Variants in REPS1 observed in about 807,000 individuals in gnomAD.
The protein encoded by REPS1 is ralBP1-associated Eps domain-containing protein 1.
A neutral mutation model predicts 100.9 loss-of-function variants in REPS1; 39 were observed. The ratio of observed to expected loss-of-function variants is 0.39; its 90% CI spans 0.30 to 0.50. REPS1 has a LOEUF of 0.50. REPS1 is among the 20% of genes least tolerant of loss of function. The pLI is 0.86. For synonymous variants in REPS1, 324 were observed against 340.3 expected, an observed-to-expected ratio of 0.95 and a Z score of 0.53; for missense variants, 821 against 968.5, an observed-to-expected ratio of 0.85 and a Z score of 2.02.
chr6:138,952,445 G>A (rs904756967), intron 1 of REPS1, among the ~76,000 whole-genome samples: 3 of 151,344 alleles, frequency 2.0e-5, no homozygotes, highest in African/African-American at 7.3e-5. Context: ...GTCACCCAGA[G>A]CTGGAGAGCA....
intron 10 of REPS1, among the ~76,000 whole-genome samples, chr6:138,922,111 A>G (rs1250737523): frequency 2.0e-5 from 3 of 152,232 alleles, no homozygotes; most frequent in African/African-American, 4.8e-5. Context: ...TGAAGTTAAA[A>G]TAAACTATTT....
chr6:138,925,190 TACACACACAC>T (rs3070143), intron 10 of REPS1, among the ~76,000 whole-genome samples: 2 of 148,090 alleles, frequency 1.4e-5, no homozygotes, highest in South Asian at 2.2e-4. Context: ...TACTAAAAAA[TACACACACAC>T]ACACACACAC....
chr6:138,948,743 G>A (rs1036434966), intron 1 of REPS1, among the ~76,000 whole-genome samples: 2 of 152,148 alleles, frequency 1.3e-5, no homozygotes, highest in African/African-American at 4.8e-5. Flanking sequence ...TGTATAGAGA[G>A]AGCAGTTTTA....
At chr6:138,977,004 C>T (rs929232767) in intron 1 of REPS1, among the ~76,000 whole-genome samples, 1 of 152,174 alleles carries the variant, frequency 6.6e-6, no homozygotes, top group Non-Finnish European at 1.5e-5. Flanking sequence ...GTCCTTCATT[C>T]TCCACCACAT....
At chr6:138,938,026 C>A (rs1314292896) in intron 8 of REPS1, among the ~76,000 whole-genome samples, 1 of 149,788 alleles carries the variant, frequency 6.7e-6, no homozygotes, top group Non-Finnish European at 1.5e-5. Context: ...TTAAAGAAGA[C>A]AAACATTCTT....
At chr6:138,977,157 A>G (rs1000997906) in intron 1 of REPS1, among the ~76,000 whole-genome samples, 1 of 152,230 alleles carries the variant, frequency 6.6e-6, no homozygotes, top group African/African-American at 2.4e-5. Flanking sequence ...ATAGAGCACT[A>G]TCACTACAAT....
chr6:138,964,232 C>G (rs1783894563), intron 1 of REPS1, among the ~76,000 whole-genome samples: 1 of 151,906 alleles, frequency 6.6e-6, no homozygotes, highest in Admixed American at 6.6e-5. Flanking sequence ...ACCTTTCACC[C>G]AAACTCCATT....
intron 1 of REPS1, among the ~76,000 whole-genome samples, chr6:138,948,766 A>G (rs945473789): frequency 3.9e-5 from 6 of 152,236 alleles, no homozygotes; most frequent in Admixed American, 1.3e-4. Context: ...CTATTTTTCC[A>G]TAACACTCAA....
chr6:138,938,081 G>A (rs1301073515), intron 8 of REPS1, among the ~76,000 whole-genome samples: 1 of 151,390 alleles, frequency 6.6e-6, no homozygotes, highest in Admixed American at 6.6e-5. Context: ...AGCTCTTTCT[G>A]CAGATGAATT....
intron 1 of REPS1, among the ~76,000 whole-genome samples, chr6:138,984,538 C>T (rs1265980547): frequency 6.6e-6 from 1 of 152,088 alleles, no homozygotes; most frequent in Non-Finnish European, 1.5e-5. Flanking sequence ...CCACTAGATG[C>T]CAGTAGAACT....
intron 5 of REPS1, 107 bp downstream of exon 5, chr6:138,944,391 A>G: frequency 7.9e-7 from 1 of 1,257,926 alleles, no homozygotes; most frequent in Non-Finnish European, 1.1e-6. Context: ...TAAATAAATG[A>G]GTGGATTTGC....
Position 138,930,117 on chromosome 6 carries a change from G to T in REPS1, c.1136-19C>A. Reference sequence around the variant, plus strand: ...CCAACATCTGCAATTTAAAAATAGAGAAATTCTCTATAAAGACTACATTGT... The same window carrying T: ...CCAACATCTGCAATTTAAAAATAGATAAATTCTCTATAAAGACTACATTGT... On this transcript the variant is annotated intron_variant, in intron 8 of 19. Transcript: ENST00000450536. 1 of 1,608,370 alleles carries T rather than the reference G, an allele frequency of 6.2e-7. No homozygotes were observed.
chr6:138,923,375 GA>G (rs1200368072), intron 10 of REPS1, among the ~76,000 whole-genome samples: 1 of 152,066 alleles, frequency 6.6e-6, no homozygotes, highest in Non-Finnish European at 1.5e-5. Flanking sequence ...AAGCAAATTA[GA>G]AATTTTAAAA....
Position 138,912,927 on chromosome 6 carries a change from G to A in REPS1, c.1809C>T (p.Arg603=). The A allele has an allele frequency of 6.2e-6, 10 of 1,613,886 alleles. No individual in the cohort carries two copies. The highest frequency in any genetic ancestry group is 8.5e-6 in the Non-Finnish European group (10 of 1,179,854). Residue 603 remains arginine (R), a synonymous_variant, in exon 16 of 20, where the codon CGC becomes CGT. Coordinates refer to ENST00000450536, the MANE Select transcript of REPS1 (RefSeq NM_001286611.2). ...PSQAPGPAVH[R]PVDADGLITH... is the part of the protein sequence containing the mutation. ...TTATGAGGCCATCGGCATCCACTGG[G>A]CGATGCACAGCAGGACCAGGAGCCT...
chr6:138,906,836 C>T (rs1023027075), intron 19 of REPS1, among the ~76,000 whole-genome samples: 1 of 152,126 alleles, frequency 6.6e-6, no homozygotes. Flanking sequence ...CCTGTATATG[C>T]CTTAAGGTTT....
chr6:138,968,802 C>G (rs1355971004), intron 1 of REPS1, among the ~76,000 whole-genome samples: 4 of 152,072 alleles, frequency 2.6e-5, no homozygotes, highest in African/African-American at 4.8e-5. Flanking sequence ...GCCTATCTGT[C>G]CTTTATTAAA....
At position 138,904,402 on chromosome 6, in the gene REPS1, T is replaced by C. The variant is rs1779508981; in HGVS notation, c.*662A>G. 1 of 152,256 alleles carries C rather than the reference T, an allele frequency of 6.6e-6. No individual in the cohort carries two copies. The highest frequency in any genetic ancestry group is 1.9e-4 in the East Asian group (1 of 5,208). The allele number at this position is 152,256 out of a possible 1,614,324, so 9.4% of individuals were successfully genotyped here. A position where few individuals can be genotyped will look rare whatever the true frequency, so the allele number is the denominator to read the frequency against. On this transcript the variant is annotated 3_prime_UTR_variant, in exon 20 of 20. Coordinates refer to ENST00000450536, the MANE Select transcript of REPS1 (RefSeq NM_001286611.2). The stretch of plus-strand genomic sequence containing the variant: ...ATTACTCATACCTATTTCATAAGTT[T>C]ACATGACTGCTGAATTATTGAATCT...
intron 12 of REPS1, among the ~76,000 whole-genome samples, chr6:138,917,957 G>A (rs1346632082): frequency 6.6e-6 from 1 of 152,162 alleles, no homozygotes; most frequent in Non-Finnish European, 1.5e-5. Flanking sequence ...TTCCACAGCT[G>A]AGGATTCAAC....
intron 8 of REPS1, among the ~76,000 whole-genome samples, chr6:138,934,068 C>A (rs942729528): frequency 6.6e-6 from 1 of 152,086 alleles, no homozygotes; most frequent in Admixed American, 6.5e-5. Context: ...TTCTAGAAAC[C>A]AAGAGTCTAT....
Sources: allele counts gnomAD v4.1 joint callset (sites outside exome capture counted in the v4.1 genomes callset), GRCh38; gene constraint gnomAD v4.1.1; transcripts MANE v1.5; gene names NCBI Gene and HGNC (gene_info 2026-07-23, HGNC 2026-07-21).